Variants in ZMYND8 observed in about 807,000 individuals in gnomAD.
ZMYND8 encodes the protein zinc finger MYND-type containing 8, also known as MYND-type zinc finger-containing chromatin reader ZMYND8.
ZMYND8 carries 37 observed loss-of-function variants against 140.8 expected under a neutral mutation model. That is an observed-to-expected ratio of 0.26 (90% CI 0.20 to 0.35). ZMYND8 has a LOEUF of 0.35. ZMYND8 is among the 10% of genes least tolerant of loss of function. The probability of loss-of-function intolerance (pLI) is 1.00; values close to 1 mark genes in which losing one functional copy is unlikely to be tolerated. For missense variants in ZMYND8, 1,068 were observed against 1,570.0 expected (o/e 0.68, Z 5.40); for synonymous variants, 592 against 597.1 (o/e 0.99, Z 0.12).
chr20:47,331,414 G>A lies in ZMYND8; in HGVS notation c.85+16442C>T, dbSNP rs62203063. ...GGGGAATGAGTCCATATCTCTGGGG[G>A]TGAAGATGTAAAATCTCTCATGGAC... On this transcript the variant is annotated intron_variant, in intron 2 of 22. Coordinates refer to ENST00000471951, the MANE Select transcript of ZMYND8 (RefSeq NM_001281775.3). Among the ~76,000 whole-genome samples the A allele has an allele frequency of 3.6e-3, 542 of 152,304 alleles. 4 individuals are homozygous for A. Among genetic ancestry groups the A allele is most frequent in the Non-Finnish European group, 6.4e-3 (436 of 68,036 alleles).
In ZMYND8 at chr20:47,262,433, A is replaced by G; in HGVS notation, c.1481-5T>C. The G allele has an allele frequency of 6.2e-7, 1 of 1,614,094 alleles. No individual in the cohort carries two copies. The highest frequency in any genetic ancestry group is 8.5e-7 in the Non-Finnish European group (1 of 1,180,002). ...TCTTGGTGGAGGCTGGTGAAGCTGA[A>G]AAAGTATGGCATTGTTAAAAGACAG... On this transcript the variant is annotated splice_region_variant and splice_polypyrimidine_tract_variant and intron_variant, in intron 11 of 22. Coordinates refer to ENST00000471951, the MANE Select transcript of ZMYND8 (RefSeq NM_001281775.3).
intron 18 of ZMYND8, among the ~76,000 whole-genome samples, chr20:47,226,020 G>T (rs917325752): frequency 6.6e-6 from 1 of 151,822 alleles, no homozygotes; most frequent in Non-Finnish European, 1.5e-5. Flanking sequence ...GCATGGTGGT[G>T]CATGCCTGTA....
At position 47,235,256 on chromosome 20, in the gene ZMYND8, A is replaced by G. The variant is rs374733911; in HGVS notation, c.2856+1070T>C. 2.0e-5 allele frequency among the ~76,000 whole-genome samples: 3 copies of G among 152,222 alleles called. No homozygotes were observed. In the South Asian group the frequency reaches 6.2e-4, roughly 31 times the overall value. ...TCTAGGCCTTGGCAGTGAGCAAAAC[A>G]GACAAAAATTCCTGCCTTTGTGGAC... On this transcript the variant is annotated intron_variant, in intron 16 of 22. Coordinates refer to ENST00000471951, the MANE Select transcript of ZMYND8 (RefSeq NM_001281775.3).
intron 13 of ZMYND8, 22 bp downstream of exon 13, chr20:47,249,265 A>G (rs202165638): frequency 6.9e-6 from 11 of 1,604,530 alleles, no homozygotes; most frequent in Non-Finnish European, 7.7e-6. Flanking sequence ...GCTGGAAAAA[A>G]AAAACAAAAC....
In ZMYND8 at chr20:47,246,079, C is replaced by G; in HGVS notation, c.2213G>C (p.Gly738Ala). 6 of 1,614,170 alleles carry G rather than the reference C, an allele frequency of 3.7e-6. No individual in the cohort carries two copies. In the East Asian group the frequency reaches 1.3e-4, roughly 36 times the overall value. Reference sequence around the variant, plus strand: ...ACCCTCCCGCCCAGAATGGTCTTCTCCTAAATCTATGACAAGTTCGCTCTC... The same window carrying G: ...ACCCTCCCGCCCAGAATGGTCTTCTGCTAAATCTATGACAAGTTCGCTCTC... ...DSESELVIDL[G>A]EDHSGREGRK... Residue 738 changes from glycine (G) to alanine (A), a missense_variant, in exon 14 of 23, where the codon GGA becomes GCA. By Grantham distance (60) the Gly-to-Ala change is moderately conservative. Around this residue, in one of 10 missense-constraint regions of ZMYND8, gnomAD observed 383 missense variants for 431.2 expected, o/e 0.89. Transcript: ENST00000471951.
chr20:47,251,984 A>C (rs2074220529), intron 12 of ZMYND8, among the ~76,000 whole-genome samples: 1 of 149,218 alleles, frequency 6.7e-6, no homozygotes. Flanking sequence ...AGTTTATTTA[A>C]AAAAAAAAAG....
intron 7 of ZMYND8, among the ~76,000 whole-genome samples, chr20:47,289,297 C>G (rs1205919958): frequency 6.6e-6 from 1 of 152,096 alleles, no homozygotes; most frequent in Non-Finnish European, 1.5e-5. Context: ...ATTTAAAAGG[C>G]AGACAATATC....
At chr20:47,248,678 C>A (rs1163384624) in intron 13 of ZMYND8, among the ~76,000 whole-genome samples, 1 of 152,168 alleles carries the variant, frequency 6.6e-6, no homozygotes, top group East Asian at 1.9e-4. Flanking sequence ...GGAGGGACAC[C>A]CCCACACAAA....
intron 21 of ZMYND8, among the ~76,000 whole-genome samples, chr20:47,214,046 TTCTC>T (rs140460947): frequency 1.3e-5 from 2 of 152,146 alleles, no homozygotes; most frequent in Admixed American, 6.5e-5. Flanking sequence ...CTAACTAAAA[TTCTC>T]TCTCTTCCAA....
chr20:47,333,953 G>A (rs1309353298), intron 2 of ZMYND8, among the ~76,000 whole-genome samples: 1 of 151,362 alleles, frequency 6.6e-6, no homozygotes, highest in Non-Finnish European at 1.5e-5. Flanking sequence ...AAGGAGGGAG[G>A]AATGAATAAA....
chr20:47,318,726 T>C (rs1216618443), intron 2 of ZMYND8: 1 of 461,568 alleles, frequency 2.2e-6, no homozygotes, highest in African/African-American at 2.0e-5. Flanking sequence ...GGCTGAGCCC[T>C]CTCCTCCAGA....
At chr20:47,286,783 C>G (rs1163798785) in intron 8 of ZMYND8, among the ~76,000 whole-genome samples, 1 of 152,198 alleles carries the variant, frequency 6.6e-6, no homozygotes, top group Non-Finnish European at 1.5e-5. Context: ...CAATTATGGG[C>G]ATTTGCAAGA....
intron 11 of ZMYND8, among the ~76,000 whole-genome samples, chr20:47,266,410 AG>A (rs1224653540): frequency 6.6e-6 from 1 of 152,058 alleles, no homozygotes; most frequent in Non-Finnish European, 1.5e-5. Flanking sequence ...CCTCACAAGC[AG>A]CTGGGATTAC....
intron 21 of ZMYND8, 43 bp from the exon 22 acceptor site, chr20:47,212,768 TG>T (rs2035474455): frequency 6.5e-7 from 1 of 1,547,398 alleles, no homozygotes; most frequent in Non-Finnish European, 8.8e-7. Flanking sequence ...GTCAGAGAGC[TG>T]GAATTCCGCA....
chr20:47,257,345 C>T (rs1055326566), intron 12 of ZMYND8, among the ~76,000 whole-genome samples: 1 of 151,946 alleles, frequency 6.6e-6, no homozygotes, highest in East Asian at 1.9e-4. Context: ...ATACACTCAC[C>T]ATATACACAC....
rs185525417 is a variant in ZMYND8 at position 47,216,925 on chromosome 20, C to G, written c.3484+3333G>C. Among the ~76,000 whole-genome samples, 12 of 152,202 alleles carry G rather than the reference C, an allele frequency of 7.9e-5. 1 individual carries two copies. The South Asian group carries it at 2.1e-3, about 26-fold the overall frequency. On this transcript the variant is annotated intron_variant, in intron 21 of 22. Transcript: ENST00000471951. ...AATATCTGCTTCTGAGGTTAGTGACCCAGATTTGCGTGTGTGATGAGAGGA... is the reference window on the plus strand; with the variant it reads ...AATATCTGCTTCTGAGGTTAGTGACGCAGATTTGCGTGTGTGATGAGAGGA...
Position 47,276,300 on chromosome 20 carries a change from C to G in ZMYND8, c.1480+14G>C. ...CCAAGGGGCCTCCTCCCCGCTCCCCCGCACGGAGCTGACCTGTGCTCTTAT... is the reference window on the plus strand; with the variant it reads ...CCAAGGGGCCTCCTCCCCGCTCCCCGGCACGGAGCTGACCTGTGCTCTTAT... On this transcript the variant is annotated intron_variant, in intron 11 of 22. Transcript: ENST00000471951. The G allele has an allele frequency of 6.6e-7, 1 of 1,518,500 alleles. No homozygotes were observed. Among genetic ancestry groups the G allele is most frequent in the Non-Finnish European group, 8.8e-7 (1 of 1,134,152 alleles). 94.1% of individuals were successfully genotyped at this position (1,518,500 alleles called of 1,614,324 possible).
chr20:47,324,861 AG>A (rs1053701282), intron 2 of ZMYND8, among the ~76,000 whole-genome samples: 5 of 152,030 alleles, frequency 3.3e-5, no homozygotes, highest in African/African-American at 1.2e-4. Flanking sequence ...ATAATCCTGA[AG>A]TTATTTTTTT....
chr20:47,329,329 A>G (rs1209672212), intron 2 of ZMYND8, among the ~76,000 whole-genome samples: 1 of 152,212 alleles, frequency 6.6e-6, no homozygotes, highest in Non-Finnish European at 1.5e-5. Context: ...TAATAACAGC[A>G]GCCTCTAATC....
Sources: allele counts gnomAD v4.1 joint callset (sites outside exome capture counted in the v4.1 genomes callset), GRCh38; gene constraint gnomAD v4.1.1; regional missense constraint gnomAD v4.1.1; transcripts MANE v1.5; gene names NCBI Gene and HGNC (gene_info 2026-07-23, HGNC 2026-07-21).